Variants in HNRNPH1 observed in about 807,000 individuals in gnomAD.
HNRNPH1 encodes heterogeneous nuclear ribonucleoprotein H1, also known as heterogeneous nuclear ribonucleoprotein H.
A neutral mutation model predicts 58.6 loss-of-function variants in HNRNPH1; 4 were observed. The observed-to-expected ratio is 0.07, with a 90% confidence interval of 0.03 to 0.16. HNRNPH1 has a LOEUF of 0.16. Among genes scored for constraint, HNRNPH1 ranks in the 10% least tolerant of loss-of-function variants. HNRNPH1 has a pLI of 1.00. For synonymous variants in HNRNPH1, 192 were observed against 189.2 expected (o/e 1.01, Z -0.12); for missense variants, 271 against 564.2 (o/e 0.48, Z 5.26).
At chr5:179,615,523 A>T (rs374195179) in intron 12 of HNRNPH1, 23 bp downstream of exon 13, 2 of 1,290,156 alleles carry the variant, frequency 1.6e-6, no homozygotes, top group East Asian at 4.7e-5. Flanking sequence ...TTGGGAATTT[A>T]TATTTTTTGA....
chr5:179,615,628 T>TA (rs756665664), intron 11 of HNRNPH1, 33 bp from the exon 13 acceptor site: 2 of 1,184,886 alleles, frequency 1.7e-6, no homozygotes, highest in Non-Finnish European at 2.5e-6. Flanking sequence ...AAGACTATAA[T>TA]ACCAAAATCA....
intron 1 of HNRNPH1, among the ~76,000 whole-genome samples, chr5:179,622,171 G>A (rs1772730928): frequency 6.6e-6 from 1 of 152,182 alleles, no homozygotes; most frequent in Non-Finnish European, 1.5e-5. Context: ...CAACTGTATA[G>A]TGAGCCAGAT....
At chr5:179,619,590 A>T in intron 3 of HNRNPH1, 183 bp from the exon 5 acceptor site, 1 of 520,190 alleles carries the variant, frequency 1.9e-6, no homozygotes. Flanking sequence ...ATAAAGTATA[A>T]CTATTCTTAA....
chr5:179,621,705 C>G (rs1361900177), intron 1 of HNRNPH1: 6 of 397,738 alleles, frequency 1.5e-5, no homozygotes, highest in Non-Finnish European at 2.3e-5. Flanking sequence ...AGAAGATTAT[C>G]AAGCCTGGAC....
At chr5:179,628,275 T>A (rs1396885293), upstream of HNRNPH1, among the ~76,000 whole-genome samples, 1 of 152,254 alleles carries the variant, frequency 6.6e-6, no homozygotes, top group African/African-American at 2.4e-5. Flanking sequence ...GTATCATTTG[T>A]AAGACACATT....
At chr5:179,623,332 C>G in exon 1 of HNRNPH1, 1 of 429,424 alleles carries the variant, frequency 2.3e-6, no homozygotes. Context: ...CAAAGCTGTC[C>G]TGAGCAACAG....
intron 8 of HNRNPH1, 121 bp from the exon 10 acceptor site, chr5:179,617,231 T>C: frequency 1.0e-6 from 1 of 971,426 alleles, no homozygotes; most frequent in Non-Finnish European, 1.6e-6. Context: ...AAAGAAATTC[T>C]AGCTACTTCT....
At chr5:179,628,712 G>A (rs1774576105), upstream of HNRNPH1, among the ~76,000 whole-genome samples, 1 of 152,184 alleles carries the variant, frequency 6.6e-6, no homozygotes, top group Admixed American at 6.5e-5. Flanking sequence ...GGCCATGGTG[G>A]GCTGATCACT....
At chr5:179,630,232 C>T (rs1774718905) in intron 2 of HNRNPH1, among the ~76,000 whole-genome samples, 1 of 151,614 alleles carries the variant, frequency 6.6e-6, no homozygotes, top group Non-Finnish European at 1.5e-5. Flanking sequence ...GCCTGTAATC[C>T]CAGCTACTTG....
Position 179,616,012 on chromosome 5 carries a change from T to G in HNRNPH1, c.1300+114A>C, listed in dbSNP as rs1769380642. On this transcript the variant is annotated intron_variant, in intron 11 of 12. Transcript: ENST00000356731. ...CTGCATCTTCCCAACTAAAGGCACC[T>G]GCCTGCGACTTACTCTAAGTACAGT... 5 of 884,680 alleles carry G rather than the reference T, an allele frequency of 5.7e-6. No homozygotes were observed. The South Asian group carries it at 7.6e-5, about 13-fold the overall frequency. 54.8% of individuals were successfully genotyped at this position (884,680 alleles called of 1,614,324 possible). A position where few individuals can be genotyped will look rare whatever the true frequency, so the allele number is the denominator to read the frequency against.
At chr5:179,623,266 G>A (rs1773612485) in exon 1 of HNRNPH1, 2 of 548,012 alleles carry the variant, frequency 3.6e-6, no homozygotes, top group Non-Finnish European at 6.6e-6. Flanking sequence ...GCAAAAACCG[G>A]GCGGATGCAC....
chr5:179,622,706 CAAAAGA>C (rs1464103082), intron 1 of HNRNPH1: 4 of 151,992 alleles, frequency 2.6e-5, no homozygotes, highest in African/African-American at 7.3e-5. Flanking sequence ...GACTCCAACT[CAAAAGA>C]AAAAGAAAAA....
At chr5:179,621,093 T>G (rs1041704784) in intron 2 of HNRNPH1, 58 bp from the exon 4 acceptor site, 2 of 1,579,178 alleles carry the variant, frequency 1.3e-6, no homozygotes, top group Non-Finnish European at 8.7e-7. Context: ...AAGTTCAGAC[T>G]TCCTGGGTCT....
upstream of HNRNPH1, among the ~76,000 whole-genome samples, chr5:179,626,585 G>C (rs926974859): frequency 2.7e-5 from 4 of 150,644 alleles, no homozygotes; most frequent in African/African-American, 9.7e-5. Flanking sequence ...GCATGGTGTC[G>C]CGTGCCTGTA....
At chr5:179,631,291 T>C (rs1203996267) in intron 2 of HNRNPH1, among the ~76,000 whole-genome samples, 1 of 152,044 alleles carries the variant, frequency 6.6e-6, no homozygotes, top group Non-Finnish European at 1.5e-5. Context: ...ATCTTTAAGA[T>C]GGCGATCATG....
At chr5:179,621,673 A>AG (rs1772408892) in intron 1 of HNRNPH1, 1 of 467,440 alleles carries the variant, frequency 2.1e-6, no homozygotes, top group Non-Finnish European at 3.9e-6. Flanking sequence ...TGTCTACATC[A>AG]CACATCTTTT....
chr5:179,621,163 A>C, intron 2 of HNRNPH1, 79 bp downstream of exon 3: 1 of 1,511,502 alleles, frequency 6.6e-7, no homozygotes, highest in Non-Finnish European at 9.2e-7. Flanking sequence ...CATGCAGTCA[A>C]ATACCTAAAA....
exon 2 of HNRNPH1, chr5:179,621,351 G>A (rs1772216533): frequency 6.2e-7 from 1 of 1,613,898 alleles, no homozygotes; most frequent in African/African-American, 1.3e-5. Context: ...TGCCTTCTCT[G>A]GTGTAGATGA....
Position 179,618,069 on chromosome 5 carries a change from C to G in HNRNPH1, c.716-9G>C, listed in dbSNP as rs750228002. 12 of 1,613,826 alleles carry G rather than the reference C, an allele frequency of 7.4e-6. No homozygotes were observed. Among genetic ancestry groups the G allele is most frequent in the Non-Finnish European group, 2.5e-6 (3 of 1,179,848 alleles). ...ATCATAGCCTCCATAGCCTGAAAGACAAAGTACAATCAATCAAATAAAACA... is the reference window on the plus strand; with the variant it reads ...ATCATAGCCTCCATAGCCTGAAAGAGAAAGTACAATCAATCAAATAAAACA... On this transcript the variant is annotated splice_polypyrimidine_tract_variant and intron_variant, in intron 5 of 12. Transcript: ENST00000356731.
Sources: gnomAD v4.1 joint callset for allele counts (sites outside exome capture counted in the v4.1 genomes callset) on GRCh38, gnomAD v4.1.1 for gene constraint, MANE v1.5 for transcripts, NCBI Gene and HGNC (gene_info 2026-07-23, HGNC 2026-07-21) for gene names.